ROR2: variants seen among roughly 807,000 people sequenced by gnomAD.
ROR2 encodes ROR family WNT receptor 2, also known as tyrosine-protein kinase transmembrane receptor ROR2.
Under a neutral mutation model 74.9 loss-of-function variants are expected in ROR2, and 33 were observed. The ratio of observed to expected loss-of-function variants is 0.44; its 90% CI spans 0.33 to 0.59. The LOEUF is 0.59. ROR2 is among the 20% of genes least tolerant of loss of function. ROR2 has a pLI of 0.02. For missense variants in ROR2, 1,216 were observed against 1,313.8 expected (o/e 0.93, Z 1.15); for synonymous variants, 586 against 558.7 (o/e 1.05, Z -0.69).
intron 4 of ROR2, among the ~76,000 whole-genome samples, chr9:91,741,634 A>T (rs1219974145): frequency 6.6e-6 from 1 of 152,220 alleles, no homozygotes; most frequent in Non-Finnish European, 1.5e-5. Context: ...TTTTCCCCTA[A>T]TTGTTTTGTT....
chr9:91,849,945 TA>T (rs1361012510), intron 1 of ROR2, among the ~76,000 whole-genome samples: 2 of 152,258 alleles, frequency 1.3e-5, no homozygotes, highest in Admixed American at 1.3e-4. Flanking sequence ...TAATATTCCA[TA>T]TTTATGAGTT....
At chr9:91,937,839 G>A (rs544413634) in intron 1 of ROR2, among the ~76,000 whole-genome samples, 5 of 152,076 alleles carry the variant, frequency 3.3e-5, no homozygotes, top group South Asian at 2.1e-4. Context: ...TTAACCTCCC[G>A]AGTAGTTGGG....
intron 1 of ROR2, among the ~76,000 whole-genome samples, chr9:91,827,365 C>T (rs1828328267): frequency 6.6e-6 from 1 of 151,920 alleles, no homozygotes; most frequent in African/African-American, 2.4e-5. Context: ...GAGCAGAGAT[C>T]ACACCATTGC....
intron 1 of ROR2, among the ~76,000 whole-genome samples, chr9:91,867,518 A>G (rs1360062300): frequency 6.6e-6 from 1 of 152,210 alleles, no homozygotes; most frequent in Non-Finnish European, 1.5e-5. Flanking sequence ...CAAGGGAACT[A>G]AAACCCAAGA....
At chr9:91,822,354 T>A (rs963452456) in intron 1 of ROR2, among the ~76,000 whole-genome samples, 1 of 152,146 alleles carries the variant, frequency 6.6e-6, no homozygotes, top group African/African-American at 2.4e-5. Context: ...GGATGTATAA[T>A]ACAAGGTGAG....
intron 1 of ROR2, among the ~76,000 whole-genome samples, chr9:91,853,590 C>T (rs902830438): frequency 6.6e-6 from 1 of 152,098 alleles, no homozygotes; most frequent in African/African-American, 2.4e-5. Flanking sequence ...GAGTAGTATC[C>T]ACCCCTATGA....
rs73504470 is a variant in ROR2, at chr9:91,724,243, T to C, written c.2251A>G (p.Asn751Asp). The C allele has an allele frequency of 6.2e-7, 1 of 1,613,552 alleles. No individual in the cohort carries two copies. The highest frequency in any genetic ancestry group is 1.3e-5 in the African/African-American group (1 of 75,024). ...DIHSRLRAWGNLSNYNSSAQT... is the reference protein window; with the variant it reads ...DIHSRLRAWGDLSNYNSSAQT... ...GCCGAGCTGTTGTAGTTGGAAAGGT[T>C]GCCCCAGGCTCGGAGCCGGCTGTGG... Residue 751 changes from asparagine to aspartate, a missense_variant, in exon 9 of 9, where the codon AAC becomes GAC. By Grantham distance (23) the Asn-to-Asp change is conservative. Transcript: ENST00000375708.
At chr9:91,782,599 A>C (rs1457570814) in intron 1 of ROR2, among the ~76,000 whole-genome samples, 2 of 149,366 alleles carry the variant, frequency 1.3e-5, no homozygotes, top group East Asian at 3.9e-4. Context: ...AAAAAAAAAA[A>C]AAAAAAACCC....
In ROR2 at chr9:91,817,649, C is replaced by T. The variant is rs986880044; in HGVS notation, c.98-41831G>A. On this transcript the variant is annotated intron_variant, in intron 1 of 8. Transcript: ENST00000375708. ...CCAGCGCCAGGAGCAGCACCCCCTT[C>T]GCCTGCCAGGCACCCGTCGGGGCCT... Among the ~76,000 whole-genome samples the T allele has an allele frequency of 4.3e-4, 66 of 152,182 alleles. 1 individual carries two copies. The highest frequency in any genetic ancestry group is 4.1e-3 in the Admixed American group (63 of 15,284).
intron 1 of ROR2, among the ~76,000 whole-genome samples, chr9:91,786,873 C>A (rs976951137): frequency 2.0e-5 from 3 of 152,104 alleles, no homozygotes; most frequent in Non-Finnish European, 4.4e-5. Flanking sequence ...AAATGAAATC[C>A]TAAAGAATTA....
At chr9:91,906,019 C>CCA (rs1554691082) in intron 1 of ROR2, among the ~76,000 whole-genome samples, 100 of 147,606 alleles carry the variant, frequency 6.8e-4, no homozygotes, top group East Asian at 2.0e-3. Flanking sequence ...AAAAAAAAAA[C>CCA]CACACACACA....
intron 1 of ROR2, among the ~76,000 whole-genome samples, chr9:91,874,440 G>A (rs1255401605): frequency 1.3e-5 from 2 of 152,078 alleles, no homozygotes; most frequent in African/African-American, 4.8e-5. Flanking sequence ...AACATTAAAA[G>A]TTTTATCTAG....
intron 1 of ROR2, among the ~76,000 whole-genome samples, chr9:91,926,147 C>T (rs10992162): frequency 0.24 from 36,634 of 151,322 alleles, 4,597 homozygotes; most frequent in Admixed American, 0.31. Context: ...TTTGGGAGGC[C>T]GAGGCGGGAG....
At chr9:91,820,865 G>C (rs1828120238) in intron 1 of ROR2, among the ~76,000 whole-genome samples, 1 of 152,160 alleles carries the variant, frequency 6.6e-6, no homozygotes, top group South Asian at 2.1e-4. Context: ...GCTTTGGGAG[G>C]CCAAGGCGGG....
At chr9:91,920,080 A>T (rs1385030868) in intron 1 of ROR2, among the ~76,000 whole-genome samples, 1 of 152,218 alleles carries the variant, frequency 6.6e-6, no homozygotes, top group Admixed American at 6.5e-5. Flanking sequence ...GTTTGAGGAG[A>T]TATTATTCCT....
chr9:91,800,223 T>C (rs1392248643), intron 1 of ROR2, among the ~76,000 whole-genome samples: 1 of 151,640 alleles, frequency 6.6e-6, no homozygotes, highest in Admixed American at 6.6e-5. Context: ...ACGCCTATAA[T>C]CCCAGCTACT....
At position 91,731,068 on chromosome 9, in the gene ROR2, A is replaced by C; in HGVS notation, c.1025T>G (p.Leu342Arg). The stretch of plus-strand genomic sequence containing the variant: ...CAGGTGGTGGCTGTGGGGGTGCTGC[A>C]GGGCCCACGGCTGGCACTGGTGGCC... ...KSGHQCQPWA[L>R]QHPHSHHLSS... Residue 342 changes from leucine (L) to arginine (R), a missense_variant, in exon 7 of 9, where the codon CTG becomes CGG. Transcript: ENST00000375708. The C allele has an allele frequency of 6.2e-7, 1 of 1,614,040 alleles. No individual in the cohort carries two copies. Among genetic ancestry groups the C allele is most frequent in the South Asian group, 1.1e-5 (1 of 91,054 alleles).
chr9:91,792,295 A>C (rs923224304), intron 1 of ROR2, among the ~76,000 whole-genome samples: 2 of 151,462 alleles, frequency 1.3e-5, no homozygotes, highest in Non-Finnish European at 2.9e-5. Context: ...CGAGACCAAA[A>C]GTTGGTTCTA....
At chr9:91,800,273 C>T (rs1251708099) in intron 1 of ROR2, among the ~76,000 whole-genome samples, 1 of 151,234 alleles carries the variant, frequency 6.6e-6, no homozygotes, top group Non-Finnish European at 1.5e-5. Flanking sequence ...ACCCGGGAGG[C>T]GGAGGTTGCA....
Sources: gnomAD v4.1 joint callset for allele counts (sites outside exome capture counted in the v4.1 genomes callset) on GRCh38, gnomAD v4.1.1 for gene constraint, MANE v1.5 for transcripts, NCBI Gene and HGNC (gene_info 2026-07-23, HGNC 2026-07-21) for gene names.